ZMIZ1: variants seen among roughly 807,000 people sequenced by gnomAD.
ZMIZ1 encodes the protein zinc finger MIZ domain-containing protein 1.
In ZMIZ1, 17 loss-of-function variants were observed where a neutral mutation model predicts 113.9. The observed-to-expected ratio is 0.15, with a 90% confidence interval of 0.10 to 0.22. ZMIZ1 has a LOEUF of 0.22. Among genes scored for constraint, ZMIZ1 ranks in the 10% least tolerant of loss-of-function variants. The pLI, the probability that ZMIZ1 is intolerant of heterozygous loss-of-function variation, is 1.00. For missense variants in ZMIZ1, 1,059 were observed against 1,477.8 expected (o/e 0.72, Z 4.65); for synonymous variants, 607 against 603.1 (o/e 1.01, Z -0.09).
chr10:79,104,993 G>GTC (rs1843504489), intron 1 of ZMIZ1, among the ~76,000 whole-genome samples: 1 of 142,806 alleles, frequency 7.0e-6, no homozygotes, highest in South Asian at 2.2e-4. Context: ...GTGTGTGTGT[G>GTC]TCTTAACTGC....
chr10:79,259,003 T>C (rs1198383047), intron 7 of ZMIZ1, among the ~76,000 whole-genome samples: 2 of 152,150 alleles, frequency 1.3e-5, no homozygotes, highest in Admixed American at 1.3e-4. Context: ...TCGGATTGTG[T>C]GTGACGGTCT....
intron 24 of ZMIZ1, among the ~76,000 whole-genome samples, chr10:79,311,473 A>G (rs1269231527): frequency 6.6e-6 from 1 of 152,064 alleles, no homozygotes; most frequent in Non-Finnish European, 1.5e-5. Context: ...TCCCTTGCGC[A>G]GCACAGGAGG....
intron 7 of ZMIZ1, 119 bp downstream of exon 7, chr10:79,216,393 G>A (rs1359023325): frequency 8.6e-6 from 7 of 817,938 alleles, no homozygotes; most frequent in African/African-American, 3.6e-5. Flanking sequence ...GGTGTAGTGC[G>A]AACCCCTGAG....
At chr10:79,182,701 G>A (rs988569166) in intron 4 of ZMIZ1, among the ~76,000 whole-genome samples, 3 of 152,210 alleles carry the variant, frequency 2.0e-5, no homozygotes, top group South Asian at 2.1e-4. Flanking sequence ...AAAACACAGC[G>A]GAGTGGTTCC....
intron 7 of ZMIZ1, among the ~76,000 whole-genome samples, chr10:79,232,945 G>A (rs901407677): frequency 2.6e-5 from 4 of 152,194 alleles, no homozygotes; most frequent in African/African-American, 9.7e-5. Flanking sequence ...AAGTACTGAT[G>A]CCCAGTACTG....
At chr10:79,304,255 C>T in intron 19 of ZMIZ1, 80 bp downstream of exon 19, 1 of 1,540,652 alleles carries the variant, frequency 6.5e-7, no homozygotes, top group Non-Finnish European at 8.8e-7. Flanking sequence ...AGAGGGGCAA[C>T]AGAGCCTGTC....
intron 4 of ZMIZ1, among the ~76,000 whole-genome samples, chr10:79,197,508 C>A (rs1847878238): frequency 6.6e-6 from 1 of 151,996 alleles, no homozygotes; most frequent in Admixed American, 6.5e-5. Context: ...TGGGTAAACT[C>A]AGGAGGACAA....
intron 7 of ZMIZ1, among the ~76,000 whole-genome samples, chr10:79,248,149 A>G (rs924361384): frequency 1.3e-5 from 2 of 152,066 alleles, no homozygotes; most frequent in Non-Finnish European, 2.9e-5. Flanking sequence ...GAATTAGATG[A>G]ACAGAGGCCT....
At chr10:79,127,828 G>T (rs1001432272) in intron 2 of ZMIZ1, among the ~76,000 whole-genome samples, 1 of 152,134 alleles carries the variant, frequency 6.6e-6, no homozygotes, top group Non-Finnish European at 1.5e-5. Context: ...TGCTTTAATT[G>T]GCTGGGGCTG....
At position 79,298,408 on chromosome 10, in the gene ZMIZ1, T is replaced by C. The variant is rs1258709021; in HGVS notation, c.1494T>C (p.Pro498=). The change falls in exon 15 of 25, where the codon CCT becomes CCC. Residue 498 remains proline, a splice_region_variant and synonymous_variant. Transcript: ENST00000334512. Reference sequence around the variant, plus strand: ...GCGTGTCTTTTCTTTCCCTCCAGCCTCCCAGGCCGGTTCCTGTGGCAAATT... The same window carrying C: ...GCGTGTCTTTTCTTTCCCTCCAGCCCCCCAGGCCGGTTCCTGTGGCAAATT... ...SNYSQGNVNR[P]PRPVPVANYP... 3 of 1,607,740 alleles carry C rather than the reference T, an allele frequency of 1.9e-6. No homozygotes were observed. Among genetic ancestry groups the C allele is most frequent in the Non-Finnish European group, 2.5e-6 (3 of 1,177,176 alleles).
At chr10:79,097,782 A>G (rs142514716) in intron 1 of ZMIZ1, among the ~76,000 whole-genome samples, 2,737 of 152,166 alleles carry the variant, frequency 0.018, 31 homozygotes, top group Middle Eastern at 0.051. Context: ...TGCTCACAGC[A>G]TATGTGGTCT....
At chr10:79,081,970 C>T (rs1842674035) in intron 1 of ZMIZ1, among the ~76,000 whole-genome samples, 1 of 152,232 alleles carries the variant, frequency 6.6e-6, no homozygotes. Context: ...CCAGAGGGGA[C>T]GAGGTCACAC....
chr10:79,186,167 C>G (rs903704856), intron 4 of ZMIZ1, among the ~76,000 whole-genome samples: 1 of 152,172 alleles, frequency 6.6e-6, no homozygotes, highest in African/African-American at 2.4e-5. Context: ...CCTGGGTCTT[C>G]CCATCTGAAC....
intron 7 of ZMIZ1, among the ~76,000 whole-genome samples, chr10:79,272,182 A>G (rs1294465833): frequency 6.6e-6 from 1 of 152,110 alleles, no homozygotes; most frequent in Non-Finnish European, 1.5e-5. Context: ...GCTACTCGGG[A>G]TGCTGAGGCA....
Position 79,201,815 on chromosome 10 carries a change from C to T in ZMIZ1, c.60+123C>T, listed in dbSNP as rs1052314613. 8 of 1,047,362 alleles carry T rather than the reference C, an allele frequency of 7.6e-6. No individual in the cohort carries two copies. In the South Asian group the frequency reaches 1.1e-4, roughly 15 times the overall value. 64.9% of individuals were successfully genotyped at this position (1,047,362 alleles called of 1,614,324 possible). ...CCTCCTGACCACCTACCTATCGAGGCCGTTATTGGCATGCTGGCACTGACC... is the reference window on the plus strand; with the variant it reads ...CCTCCTGACCACCTACCTATCGAGGTCGTTATTGGCATGCTGGCACTGACC... On this transcript the variant is annotated intron_variant, in intron 5 of 24. Transcript: ENST00000334512.
chr10:79,080,643 G>C (rs1278379617), intron 1 of ZMIZ1, among the ~76,000 whole-genome samples: 1 of 152,140 alleles, frequency 6.6e-6, no homozygotes, highest in East Asian at 1.9e-4. Flanking sequence ...TTTGGCGATG[G>C]GGCTGTGAAG....
chr10:79,179,258 C>T (rs1338706693), intron 4 of ZMIZ1, among the ~76,000 whole-genome samples: 1 of 152,236 alleles, frequency 6.6e-6, no homozygotes, highest in Non-Finnish European at 1.5e-5. Flanking sequence ...TGAATTCCTT[C>T]TCCCACTCAC....
chr10:79,259,195 A>G (rs990963366), intron 7 of ZMIZ1, among the ~76,000 whole-genome samples: 5 of 151,950 alleles, frequency 3.3e-5, no homozygotes, highest in Non-Finnish European at 5.9e-5. Context: ...TGGACTGTTT[A>G]ATTTGTTTTT....
At position 79,314,093 on chromosome 10, in the gene ZMIZ1, A is replaced by G. The variant is rs530055463; in HGVS notation, c.*1344A>G. On this transcript the variant is annotated 3_prime_UTR_variant, in exon 25 of 25. Transcript: ENST00000334512. ...CTGCCTGCACTCCTCCACCATCACA[A>G]TCTCACCCAAACTCCTGCTCACTCA... 1 of 456,842 alleles carries G rather than the reference A, an allele frequency of 2.2e-6. No individual in the cohort carries two copies. Among genetic ancestry groups the G allele is most frequent in the African/African-American group, 2.0e-5 (1 of 50,196 alleles). 28.3% of individuals were successfully genotyped at this position (456,842 alleles called of 1,614,324 possible). A position where few individuals can be genotyped will look rare whatever the true frequency, so the allele number is the denominator to read the frequency against.
Sources: gnomAD v4.1 joint callset for allele counts (sites outside exome capture counted in the v4.1 genomes callset) on GRCh38, gnomAD v4.1.1 for gene constraint, MANE v1.5 for transcripts, NCBI Gene and HGNC (gene_info 2026-07-23, HGNC 2026-07-21) for gene names.